Variants in SCFD2 observed in about 807,000 individuals in gnomAD.
SCFD2 encodes the protein sec1 family domain-containing protein 2.
Under a neutral mutation model 58.9 loss-of-function variants are expected in SCFD2, and 54 were observed. The observed-to-expected ratio is 0.92, with a 90% CI of 0.74 to 1.15. SCFD2 has a LOEUF of 1.15. Ranked by LOEUF, SCFD2 falls within the 50% of genes most tolerant of loss-of-function variation. The pLI is 0.00. For synonymous variants in SCFD2, 321 were observed against 335.9 expected (o/e 0.96, Z 0.49); for missense variants, 805 against 836.6 (o/e 0.96, Z 0.47).
chr4:53,053,631 T>C (rs1308287573), intron 5 of SCFD2, among the ~76,000 whole-genome samples: 1 of 152,116 alleles, frequency 6.6e-6, no homozygotes, highest in Non-Finnish European at 1.5e-5. Flanking sequence ...TCTCTAGAAA[T>C]GCCATCCCAT....
chr4:53,337,999 GAA>G (rs1427332053), intron 2 of SCFD2, among the ~76,000 whole-genome samples: 1 of 152,174 alleles, frequency 6.6e-6, no homozygotes, highest in Non-Finnish European at 1.5e-5. Context: ...AAGGCAATGT[GAA>G]AACAGAAGTT....
At chr4:53,222,740 GA>G (rs1427359634) in intron 4 of SCFD2, among the ~76,000 whole-genome samples, 1 of 151,976 alleles carries the variant, frequency 6.6e-6, no homozygotes. Flanking sequence ...ACATCAAAGG[GA>G]TATCACTGCA....
At chr4:53,297,963 G>A (rs1732102746) in intron 3 of SCFD2, among the ~76,000 whole-genome samples, 1 of 151,230 alleles carries the variant, frequency 6.6e-6, no homozygotes, top group Non-Finnish European at 1.5e-5. Flanking sequence ...CTTTTCGGGT[G>A]CTGGAGCCAA....
At chr4:53,328,879 T>G (rs1428651793) in intron 2 of SCFD2, among the ~76,000 whole-genome samples, 1 of 152,150 alleles carries the variant, frequency 6.6e-6, no homozygotes, top group Non-Finnish European at 1.5e-5. Flanking sequence ...CGCAGGTCAG[T>G]GGGTGCGCGC....
intron 7 of SCFD2, among the ~76,000 whole-genome samples, chr4:52,902,899 G>C (rs1026261383): frequency 2.0e-5 from 3 of 152,194 alleles, no homozygotes; most frequent in African/African-American, 7.2e-5. Flanking sequence ...GTAGAATGAA[G>C]TGATTGCTAT....
intron 4 of SCFD2, among the ~76,000 whole-genome samples, chr4:53,266,795 G>T (rs1414670598): frequency 6.6e-6 from 1 of 152,190 alleles, no homozygotes; most frequent in Non-Finnish European, 1.5e-5. Context: ...GGACCTTGGA[G>T]ATAAGAGAGA....
rs533608380 is a variant in SCFD2 at position 53,332,079 on chromosome 4, C to T, written c.1008-18316G>A. On this transcript the variant is annotated intron_variant, in intron 2 of 8. Coordinates refer to ENST00000401642, the MANE Select transcript of SCFD2 (RefSeq NM_152540.4). ...TTGAATCTCTGAATAGACCAATAACCGGAGCTGAAATTGTGGCAATAATCA... is the reference window on the plus strand; with the variant it reads ...TTGAATCTCTGAATAGACCAATAACTGGAGCTGAAATTGTGGCAATAATCA... Among the ~76,000 whole-genome samples the T allele has an allele frequency of 2.5e-3, 381 of 152,012 alleles. 1 individual carries two copies. The highest frequency in any genetic ancestry group is 8.6e-3 in the African/African-American group (358 of 41,460).
chr4:53,315,017 C>A (rs532321025), intron 2 of SCFD2, among the ~76,000 whole-genome samples: 1 of 152,132 alleles, frequency 6.6e-6, no homozygotes, highest in South Asian at 2.1e-4. Context: ...CTTTGAATGG[C>A]ATAGTTTAGA....
At chr4:52,947,768 G>C (rs1720472431) in intron 5 of SCFD2, among the ~76,000 whole-genome samples, 1 of 150,680 alleles carries the variant, frequency 6.6e-6, no homozygotes, top group Admixed American at 6.6e-5. Flanking sequence ...AAAAATACAG[G>C]TGTACTAAAT....
chr4:53,290,526 C>A (rs147079996), intron 3 of SCFD2, among the ~76,000 whole-genome samples: 1 of 151,676 alleles, frequency 6.6e-6, no homozygotes, highest in African/African-American at 2.4e-5. Context: ...AAAGAAGATC[C>A]GAAATAAATA....
chr4:53,161,887 T>C (rs1157690689), intron 4 of SCFD2, among the ~76,000 whole-genome samples: 2 of 152,216 alleles, frequency 1.3e-5, no homozygotes, highest in East Asian at 1.9e-4. Context: ...AAAATGCAAC[T>C]ATCCGTGACC....
chr4:53,162,547 T>G (rs543483055), intron 4 of SCFD2, among the ~76,000 whole-genome samples: 2 of 152,282 alleles, frequency 1.3e-5, no homozygotes. Context: ...TAGTTTACAG[T>G]CCCACCAACA....
chr4:53,256,762 G>T (rs1158298992), intron 4 of SCFD2, among the ~76,000 whole-genome samples: 1 of 151,838 alleles, frequency 6.6e-6, no homozygotes, highest in Non-Finnish European at 1.5e-5. Flanking sequence ...GCACTCGGCA[G>T]GCTGAGGCAG....
intron 3 of SCFD2, among the ~76,000 whole-genome samples, chr4:53,279,316 C>G (rs1329847506): frequency 1.3e-5 from 2 of 152,228 alleles, no homozygotes; most frequent in South Asian, 4.2e-4. Flanking sequence ...GAGACAAGGT[C>G]TTGTTATGTT....
chr4:52,911,191 G>A (rs1385304434), intron 6 of SCFD2, among the ~76,000 whole-genome samples: 1 of 152,258 alleles, frequency 6.6e-6, no homozygotes. Flanking sequence ...CCTCCTCTGT[G>A]CAAGGCACAG....
At chr4:53,069,187 G>A (rs1286437088) in intron 5 of SCFD2, among the ~76,000 whole-genome samples, 2 of 152,020 alleles carry the variant, frequency 1.3e-5, no homozygotes, top group Admixed American at 6.6e-5. Context: ...GGTTAAAATA[G>A]CTGGTTTATT....
At chr4:52,904,137 C>A (rs1719289445) in intron 7 of SCFD2, among the ~76,000 whole-genome samples, 1 of 152,200 alleles carries the variant, frequency 6.6e-6, no homozygotes, top group African/African-American at 2.4e-5. Flanking sequence ...AGTCTATAGA[C>A]CCTGCTTCCG....
chr4:53,115,292 G>A (rs920814141), intron 5 of SCFD2, among the ~76,000 whole-genome samples: 13 of 152,014 alleles, frequency 8.6e-5, no homozygotes, highest in African/African-American at 3.1e-4. Context: ...ACTAATTCAA[G>A]AAAAAACTGA....
intron 5 of SCFD2, among the ~76,000 whole-genome samples, chr4:53,110,037 C>T (rs1404188737): frequency 3.2e-5 from 2 of 63,228 alleles, no homozygotes; most frequent in East Asian, 1.2e-3. Flanking sequence ...ATATACAGAC[C>T]AATGGAACAG....
Sources: gnomAD v4.1 joint callset for allele counts (sites outside exome capture counted in the v4.1 genomes callset) on GRCh38, gnomAD v4.1.1 for gene constraint, MANE v1.5 for transcripts, NCBI Gene and HGNC (gene_info 2026-07-23, HGNC 2026-07-21) for gene names.